The following CD33 variants were observed in gnomAD, a reference collection of about 807,000 sequenced individuals.
CD33 encodes the protein myeloid cell surface antigen CD33.
A neutral mutation model predicts 31.4 loss-of-function variants in CD33; 25 were observed. The ratio of observed to expected loss-of-function variants is 0.80; its 90% confidence interval spans 0.58 to 1.11. The LOEUF is 1.11. Among genes scored for constraint, CD33 ranks in the 50% most tolerant of loss-of-function variants. The pLI is 0.00. For missense variants in CD33, 407 were observed against 448.1 expected, an observed-to-expected ratio of 0.91 and a Z score of 0.83; for synonymous variants, 176 against 180.6, an observed-to-expected ratio of 0.97 and a Z score of 0.20.
chr19:51,212,727 T>C, the CD33 span, among the ~76,000 whole-genome samples: 268 of 152,288 alleles, frequency 1.8e-3, 1 homozygote, highest in African/African-American at 6.2e-3. Flanking sequence ...TGGGAAGAAC[T>C]TAACAATGCA....
At chr19:51,235,007 G>A (rs1981674619) in intron 4 of CD33, 150 bp from the exon 5 acceptor site, 2 of 633,144 alleles carry the variant, frequency 3.2e-6, no homozygotes, top group Non-Finnish European at 2.9e-6. Flanking sequence ...TCATGGTCGT[G>A]GTCAATATTG....
upstream of CD33, among the ~76,000 whole-genome samples, chr19:51,221,345 A>G (rs1173219501): frequency 6.6e-6 from 1 of 152,248 alleles, no homozygotes; most frequent in Admixed American, 6.5e-5. Flanking sequence ...AACAGATGGC[A>G]AACAGGCTCA....
the CD33 span, among the ~76,000 whole-genome samples, chr19:51,212,246 G>A: frequency 6.6e-6 from 1 of 152,124 alleles, no homozygotes; most frequent in African/African-American, 2.4e-5. Flanking sequence ...GGTAGGGAAG[G>A]AGTGCCGCCC....
At chr19:51,229,048 T>G (rs1981229365) in intron 4 of CD33, among the ~76,000 whole-genome samples, 1 of 152,222 alleles carries the variant, frequency 6.6e-6, no homozygotes, top group Admixed American at 6.5e-5. Context: ...GCCTTTTTTG[T>G]GTTGAGGTAC....
At chr19:51,221,436 G>A (rs571360767), upstream of CD33, among the ~76,000 whole-genome samples, 1 of 152,170 alleles carries the variant, frequency 6.6e-6, no homozygotes, top group Non-Finnish European at 1.5e-5. Context: ...TTACATACCT[G>A]AGAACATAAC....
chr19:51,213,649 G>A, the CD33 span, among the ~76,000 whole-genome samples: 1 of 150,986 alleles, frequency 6.6e-6, no homozygotes, highest in Non-Finnish European at 1.5e-5. Flanking sequence ...CAATTCTCGT[G>A]CCTCAGCCTC....
At chr19:51,226,230 C>A (rs1448548215) in intron 3 of CD33, 79 bp from the exon 4 acceptor site, 2 of 1,531,302 alleles carry the variant, frequency 1.3e-6, no homozygotes, top group Non-Finnish European at 1.8e-6. Flanking sequence ...TCTGTGGTTT[C>A]TGGCAGGAGT....
chr19:51,235,290 T>C, intron 5 of CD33, 37 bp downstream of exon 5: 1 of 1,567,302 alleles, frequency 6.4e-7, no homozygotes, highest in Non-Finnish European at 8.8e-7. Context: ...GGGCCAGAGG[T>C]GAAGAGGATG....
At chr19:51,229,187 A>T (rs746564267) in intron 4 of CD33, among the ~76,000 whole-genome samples, 1 of 152,206 alleles carries the variant, frequency 6.6e-6, no homozygotes, top group Non-Finnish European at 1.5e-5. Context: ...TGACATATGT[A>T]TAACATTTAT....
At chr19:51,215,765 C>CTCCAGATCTCATAAAT in the CD33 span, among the ~76,000 whole-genome samples, 1 of 152,136 alleles carries the variant, frequency 6.6e-6, no homozygotes, top group African/African-American at 2.4e-5. Context: ...CATAAATCAC[C>CTCCAGATCTCATAAAT]CACTCTTGTC....
intron 4 of CD33, among the ~76,000 whole-genome samples, chr19:51,227,036 T>G (rs1981087272): frequency 6.6e-6 from 1 of 152,082 alleles, no homozygotes; most frequent in Admixed American, 6.5e-5. Context: ...TATGTTATAG[T>G]GAATAACAAG....
chr19:51,214,340 G>GGT, the CD33 span, among the ~76,000 whole-genome samples: 2 of 151,870 alleles, frequency 1.3e-5, no homozygotes, highest in Non-Finnish European at 2.9e-5. Context: ...TGGGATTACA[G>GGT]GCACATGCCA....
At chr19:51,217,744 A>G in the CD33 span, among the ~76,000 whole-genome samples, 4 of 152,160 alleles carry the variant, frequency 2.6e-5, no homozygotes, top group African/African-American at 4.8e-5. Flanking sequence ...TCCACACTCT[A>G]TGCCCATGTA....
At position 51,225,243 on chromosome 19, in the gene CD33, C is replaced by G; in HGVS notation, c.63C>G (p.Phe21Leu). The G allele has an allele frequency of 6.2e-7, 1 of 1,613,476 alleles. No homozygotes were observed. The highest frequency in any genetic ancestry group is 8.5e-7 in the Non-Finnish European group (1 of 1,179,502). ...WAGALAMDPNFWLQVQESVTV... is the reference protein window; with the variant it reads ...WAGALAMDPNLWLQVQESVTV... ...GGGCCCTGGCTATGGATCCAAATTT[C>G]TGGCTGCAAGTGCAGGAGTCAGTGA... Residue 21 changes from phenylalanine to leucine, a missense_variant, in exon 2 of 7, where the codon TTC becomes TTG. Coordinates refer to ENST00000262262, the MANE Select transcript of CD33 (RefSeq NM_001772.4).
intron 4 of CD33, among the ~76,000 whole-genome samples, chr19:51,234,282 T>A (rs1020315057): frequency 2.0e-5 from 3 of 152,204 alleles, no homozygotes; most frequent in African/African-American, 7.2e-5. Context: ...CATTGACATA[T>A]CATTGTCACC....
chr19:51,232,000 C>T (rs1440387672), intron 4 of CD33, among the ~76,000 whole-genome samples: 1 of 152,088 alleles, frequency 6.6e-6, no homozygotes, highest in East Asian at 1.9e-4. Flanking sequence ...TCAAGTGGTC[C>T]ACCTGCCTGC....
the CD33 span, among the ~76,000 whole-genome samples, chr19:51,217,049 C>T: frequency 7.2e-5 from 11 of 152,284 alleles, no homozygotes; most frequent in South Asian, 2.3e-3. Flanking sequence ...TGCAGACCAC[C>T]TGGTGCCCTG....
At chr19:51,222,394 T>G (rs1980725444), upstream of CD33, among the ~76,000 whole-genome samples, 1 of 152,206 alleles carries the variant, frequency 6.6e-6, no homozygotes, top group African/African-American at 2.4e-5. Context: ...TATCTTCCTG[T>G]GTATACCAAT....
chr19:51,221,188 C>T (rs1980671714), upstream of CD33, among the ~76,000 whole-genome samples: 1 of 152,224 alleles, frequency 6.6e-6, no homozygotes. Context: ...TCTTGCACAG[C>T]CTGCAGAACT....
Sources: allele counts gnomAD v4.1 joint callset (sites outside exome capture counted in the v4.1 genomes callset), GRCh38; gene constraint gnomAD v4.1.1; transcripts MANE v1.5; gene names NCBI Gene and HGNC (gene_info 2026-07-23, HGNC 2026-07-21).